Variants in IL1RAPL1 observed in about 807,000 individuals in gnomAD.
The protein encoded by IL1RAPL1 is interleukin 1 receptor accessory protein like 1.
In IL1RAPL1, 3 loss-of-function variants were observed where a neutral mutation model predicts 48.4. The observed-to-expected ratio is 0.06, with a 90% CI of 0.03 to 0.16. IL1RAPL1 has a LOEUF of 0.16. Among genes scored for constraint, IL1RAPL1 ranks in the 10% least tolerant of loss-of-function variants. The probability of loss-of-function intolerance (pLI) is 1.00; values close to 1 mark genes in which losing one functional copy is unlikely to be tolerated. For synonymous variants in IL1RAPL1, 185 were observed against 187.7 expected, an observed-to-expected ratio of 0.99 and a Z score of 0.12; for missense variants, 349 against 530.6, an observed-to-expected ratio of 0.66 and a Z score of 3.36.
Position 28,971,898 on chromosome X carries a change from G to GTGTA in IL1RAPL1, c.82+182476_82+182477insATGT, listed in dbSNP as rs751814629. Among the ~76,000 whole-genome samples the GTGTA allele has an allele frequency of 4.4e-3, 474 of 107,389 alleles. 17 individuals carry two copies. The highest frequency in any genetic ancestry group is 0.042 in the Admixed American group (421 of 9,995). The allele number at this position is 107,389 out of a possible 115,157, so 93.3% of individuals were successfully genotyped here. On this transcript the variant is annotated intron_variant, in intron 2 of 10. Coordinates refer to ENST00000378993, the MANE Select transcript of IL1RAPL1 (RefSeq NM_014271.4). ...AAATTGTGTGTGTGTGTGTGTGTGT[G>GTGTA]TGTGTGTGTGTGTGTGTGTATTTCT... is the stretch of plus-strand genomic sequence containing the variant.
At chrX:29,715,745 C>T (rs1267608540) in intron 6 of IL1RAPL1, among the ~76,000 whole-genome samples, 2 of 111,817 alleles carry the variant, frequency 1.8e-5, no homozygotes, top group African/African-American at 3.2e-5. Flanking sequence ...TTCTAGGAGA[C>T]GTGATATGAG....
chrX:29,102,083 T>G (rs1928351816), intron 2 of IL1RAPL1, among the ~76,000 whole-genome samples: 2 of 111,643 alleles, frequency 1.8e-5, no homozygotes, highest in Non-Finnish European at 3.8e-5. Flanking sequence ...TCATTTCAAT[T>G]GATGCTTAAA....
chrX:28,762,435 G>A (rs1936183203), intron 1 of IL1RAPL1, among the ~76,000 whole-genome samples: 1 of 111,311 alleles, frequency 9.0e-6, no homozygotes, highest in African/African-American at 3.3e-5. Flanking sequence ...AAGGCTGCAT[G>A]GCGTTCAGAA....
chrX:29,638,266 A>G (rs1202357068), intron 5 of IL1RAPL1, among the ~76,000 whole-genome samples: 1 of 104,573 alleles, frequency 9.6e-6, no homozygotes, highest in Non-Finnish European at 2.0e-5. Flanking sequence ...AACACCAATT[A>G]ACTTTTTTTT....
chrX:29,803,051 G>GTATATGTATACATGTA (rs1930047301), intron 6 of IL1RAPL1, among the ~76,000 whole-genome samples: 3 of 53,778 alleles, frequency 5.6e-5, no homozygotes, highest in African/African-American at 2.4e-4. Flanking sequence ...ACATATATGT[G>GTATATGTATACATGTA]TACATATATA....
chrX:29,891,882 G>T (rs539587831), intron 6 of IL1RAPL1, among the ~76,000 whole-genome samples: 1 of 111,555 alleles, frequency 9.0e-6, no homozygotes, highest in African/African-American at 3.3e-5. Context: ...CAAAGATTTT[G>T]CTAGACCTAG....
At chrX:28,779,479 T>C (rs1301494892) in intron 1 of IL1RAPL1, among the ~76,000 whole-genome samples, 1 of 107,812 alleles carries the variant, frequency 9.3e-6, no homozygotes. Context: ...AACCCCATGA[T>C]ACTAAGCTCT....
At chrX:29,279,447 A>T (rs2147597779) in intron 2 of IL1RAPL1, among the ~76,000 whole-genome samples, 1 of 111,942 alleles carries the variant, frequency 8.9e-6, no homozygotes. Context: ...AAAAAAAAAA[A>T]AAGATTTTAT....
intron 5 of IL1RAPL1, among the ~76,000 whole-genome samples, chrX:29,440,858 G>A (rs2147718986): frequency 8.9e-6 from 1 of 111,753 alleles, no homozygotes; most frequent in African/African-American, 3.2e-5. Flanking sequence ...GTTATTACTT[G>A]TTTCTTCTAA....
intron 2 of IL1RAPL1, among the ~76,000 whole-genome samples, chrX:29,054,320 CAG>C (rs748159357): frequency 9.0e-6 from 1 of 111,280 alleles, no homozygotes; most frequent in Admixed American, 9.6e-5. Flanking sequence ...TATTCATTTT[CAG>C]AGTTTGCTCC....
At chrX:29,608,828 AAAAATAAAAT>A (rs778623891) in intron 5 of IL1RAPL1, among the ~76,000 whole-genome samples, 34 of 110,751 alleles carry the variant, frequency 3.1e-4, no homozygotes, top group African/African-American at 9.9e-4. Context: ...TCCGTCTCAA[AAAAATAAAAT>A]AAAATAAAAT....
At chrX:28,813,997 T>C (rs982144745) in intron 2 of IL1RAPL1, among the ~76,000 whole-genome samples, 2 of 110,892 alleles carry the variant, frequency 1.8e-5, no homozygotes, top group African/African-American at 3.3e-5. Flanking sequence ...CTATGAAGGC[T>C]GAGTGCAAGA....
intron 2 of IL1RAPL1, among the ~76,000 whole-genome samples, chrX:29,260,602 G>A (rs1931837540): frequency 1.8e-5 from 2 of 111,763 alleles, no homozygotes; most frequent in Admixed American, 1.9e-4. Context: ...TTCAAGGTGA[G>A]ATTTGAGTGG....
chrX:28,864,990 A>G (rs1922041728), intron 2 of IL1RAPL1, among the ~76,000 whole-genome samples: 1 of 112,022 alleles, frequency 8.9e-6, no homozygotes, highest in South Asian at 3.7e-4. Context: ...GATTCAGGAT[A>G]CATGCCAAGG....
In IL1RAPL1 at chrX:29,275,640, A is replaced by G. The variant is rs144019579; in HGVS notation, c.83-7298A>G. Among the ~76,000 whole-genome samples, 3 of 112,302 alleles carry G rather than the reference A, an allele frequency of 2.7e-5. No individual in the cohort carries two copies. The Admixed American group carries it at 2.8e-4, about 11-fold the overall frequency. On this transcript the variant is annotated intron_variant, in intron 2 of 10. Transcript: ENST00000378993. ...AAACAGTTCTGGGTTGAGAGGTAAAACAAACTTCTTGCTTTGTGTTTCCTC... is the reference window on the plus strand; with the variant it reads ...AAACAGTTCTGGGTTGAGAGGTAAAGCAAACTTCTTGCTTTGTGTTTCCTC...
intron 2 of IL1RAPL1, among the ~76,000 whole-genome samples, chrX:28,818,690 G>A (rs1256157369): frequency 2.7e-5 from 3 of 110,472 alleles, no homozygotes; most frequent in Non-Finnish European, 3.8e-5. Flanking sequence ...AATAAATTCT[G>A]TATGTAAAAT....
At chrX:29,524,254 A>T (rs1935531516) in intron 5 of IL1RAPL1, among the ~76,000 whole-genome samples, 2 of 102,885 alleles carry the variant, frequency 1.9e-5, no homozygotes, top group African/African-American at 3.6e-5. Flanking sequence ...AGACACATTT[A>T]TGTAAGCTAA....
intron 2 of IL1RAPL1, among the ~76,000 whole-genome samples, chrX:29,206,349 G>C (rs760506095): frequency 1.4e-4 from 16 of 110,623 alleles, no homozygotes; most frequent in African/African-American, 5.3e-4. Flanking sequence ...CTTTTCTTCT[G>C]ATTCATAACT....
intron 5 of IL1RAPL1, among the ~76,000 whole-genome samples, chrX:29,628,787 C>T (rs1472719968): frequency 1.8e-5 from 2 of 112,070 alleles, no homozygotes; most frequent in Admixed American, 9.5e-5. Context: ...GAGCTCAATA[C>T]ATGCTTGTTG....
Sources: gnomAD v4.1 joint callset for allele counts (sites outside exome capture counted in the v4.1 genomes callset) on GRCh38, gnomAD v4.1.1 for gene constraint, MANE v1.5 for transcripts, NCBI Gene and HGNC (gene_info 2026-07-23, HGNC 2026-07-21) for gene names.